The following PIK3CA variants were observed in gnomAD, a reference collection of about 807,000 sequenced individuals.
PIK3CA encodes phosphatidylinositol-4,5-bisphosphate 3-kinase catalytic subunit alpha, also known as phosphatidylinositol 4,5-bisphosphate 3-kinase catalytic subunit alpha isoform.
PIK3CA carries 27 observed loss-of-function variants against 138.2 expected under a neutral mutation model. That is an observed-to-expected ratio of 0.20 (90% CI 0.14 to 0.27). The LOEUF (loss-of-function observed/expected upper bound fraction) is 0.27. PIK3CA is among the 10% of genes least tolerant of loss of function. The probability of loss-of-function intolerance (pLI) is 1.00; values close to 1 mark genes in which losing one functional copy is unlikely to be tolerated. For missense variants in PIK3CA, 544 were observed against 1,277.4 expected, an observed-to-expected ratio of 0.43 and a Z score of 8.75; for synonymous variants, 358 against 413.2, an observed-to-expected ratio of 0.87 and a Z score of 1.62.
intron 6 of PIK3CA, among the ~76,000 whole-genome samples, chr3:179,207,975 AGGAGTTCG>A (rs1724612765): frequency 6.6e-6 from 1 of 152,312 alleles, no homozygotes; most frequent in Middle Eastern, 3.4e-3. Context: ...ACTTGAGCCC[AGGAGTTCG>A]AAGCTATAAT....
intron 1 of PIK3CA, among the ~76,000 whole-genome samples, chr3:179,162,722 A>G (rs113355245): frequency 8.5e-5 from 13 of 152,312 alleles, no homozygotes; most frequent in African/African-American, 2.6e-4. Flanking sequence ...AAATGAGCCA[A>G]TGTGAAGAAA....
At chr3:179,221,724 T>C (rs112001153) in intron 14 of PIK3CA, among the ~76,000 whole-genome samples, 12,049 of 127,924 alleles carry the variant, frequency 0.094, 803 homozygotes, top group African/African-American at 0.21. Context: ...TTTTTTTTTT[T>C]TGAGACAGGG....
rs1725340822 is a variant in PIK3CA at position 179,236,776 on chromosome 3, C to G, written c.*2412C>G. On this transcript the variant is annotated 3_prime_UTR_variant, in exon 21 of 21. Transcript: ENST00000263967. ...GAAATGTAGACAAATTCTATAAAGA[C>G]TATAGATTGTGACCTAAGAAAGAAA... 1 of 215,430 alleles carries G rather than the reference C, an allele frequency of 4.6e-6. No homozygotes were observed. The highest frequency in any genetic ancestry group is 2.3e-5 in the African/African-American group (1 of 44,340). 13.3% of individuals were successfully genotyped at this position (215,430 alleles called of 1,614,324 possible).
intron 1 of PIK3CA, among the ~76,000 whole-genome samples, chr3:179,189,575 G>C (rs772729981): frequency 6.6e-6 from 1 of 151,470 alleles, no homozygotes; most frequent in African/African-American, 2.4e-5. Context: ...CCTAAGCCTT[G>C]ATTATTTGTC....
chr3:179,231,630 CTTTTTTTTTTTTTTTT>C (rs144349648), intron 20 of PIK3CA, among the ~76,000 whole-genome samples: 8 of 50,416 alleles, frequency 1.6e-4, no homozygotes, highest in South Asian at 1.8e-3. Flanking sequence ...CCTTAGCCCA[CTTTTTTTTTTTTTTTT>C]TTTTTTTTTT....
At position 179,220,730 on chromosome 3, in the gene PIK3CA, G is replaced by A. The variant is rs1029160281; in HGVS notation, c.2016-256G>A. Reference sequence around the variant, plus strand: ...TCCTTTTTTCATGTTTTTATATCTTGTACTGAGATTAGTCAATGAAAACTA... The same window carrying A: ...TCCTTTTTTCATGTTTTTATATCTTATACTGAGATTAGTCAATGAAAACTA... On this transcript the variant is annotated intron_variant, in intron 13 of 20. Transcript: ENST00000263967. This position sits in a 1 kb window ranked among gnomAD's most constrained non-coding sequence, Gnocchi z 4.1. Among the ~76,000 whole-genome samples, 14 of 151,776 alleles carry A rather than the reference G, an allele frequency of 9.2e-5. No individual in the cohort carries two copies. The highest frequency in any genetic ancestry group is 1.6e-4 in the Non-Finnish European group (11 of 67,974).
At chr3:179,213,000 T>C (rs917901595) in intron 9 of PIK3CA, among the ~76,000 whole-genome samples, 4 of 152,172 alleles carry the variant, frequency 2.6e-5, no homozygotes, top group Non-Finnish European at 5.9e-5. Flanking sequence ...GTACAGGAGA[T>C]CAGTTGCCCC....
intron 1 of PIK3CA, among the ~76,000 whole-genome samples, chr3:179,191,826 C>T (rs944325181): frequency 2.6e-5 from 4 of 151,944 alleles, no homozygotes; most frequent in Non-Finnish European, 4.4e-5. Context: ...TTAGTAGAGA[C>T]GGGGTTTCAC....
chr3:179,158,852 G>A (rs1723204674), intron 1 of PIK3CA, among the ~76,000 whole-genome samples: 1 of 152,062 alleles, frequency 6.6e-6, no homozygotes, highest in South Asian at 2.1e-4. Flanking sequence ...CGGCTACCTG[G>A]TTTTAGTACT....
intron 1 of PIK3CA, among the ~76,000 whole-genome samples, chr3:179,192,823 T>C (rs1724167705): frequency 6.6e-6 from 1 of 152,264 alleles, no homozygotes; most frequent in South Asian, 2.1e-4. Flanking sequence ...CCTTAACTAA[T>C]GAAATCTAGA....
At chr3:179,174,722 A>G (rs1280262925) in intron 1 of PIK3CA, among the ~76,000 whole-genome samples, 1 of 152,330 alleles carries the variant, frequency 6.6e-6, no homozygotes, top group South Asian at 2.1e-4. Flanking sequence ...TCATCATCCT[A>G]TATTTAATCA....
intron 6 of PIK3CA, among the ~76,000 whole-genome samples, chr3:179,207,995 C>T (rs1376874723): frequency 6.6e-6 from 1 of 152,088 alleles, no homozygotes; most frequent in Non-Finnish European, 1.5e-5. Context: ...AGCTATAATG[C>T]ACTTTGGTCA....
chr3:179,204,733 A>C, intron 6 of PIK3CA, 145 bp downstream of exon 6: 1 of 488,328 alleles, frequency 2.0e-6, no homozygotes, highest in Non-Finnish European at 3.8e-6. Flanking sequence ...AAAATTAGCT[A>C]GGCACTGGCC....
chr3:179,150,368 G>A (rs1354143816), intron 1 of PIK3CA, among the ~76,000 whole-genome samples: 1 of 151,996 alleles, frequency 6.6e-6, no homozygotes, highest in Admixed American at 6.6e-5. Context: ...GCATCATGGG[G>A]GAAATAACAA....
chr3:179,189,666 A>G (rs183800494), intron 1 of PIK3CA, among the ~76,000 whole-genome samples: 2 of 152,338 alleles, frequency 1.3e-5, no homozygotes, highest in East Asian at 3.9e-4. Context: ...GTCTTATATA[A>G]TGCATTAAAT....
intron 1 of PIK3CA, among the ~76,000 whole-genome samples, chr3:179,191,742 T>C (rs538843559): frequency 7.2e-5 from 11 of 152,104 alleles, no homozygotes; most frequent in Admixed American, 1.3e-4. Context: ...GTTCAAACAA[T>C]TCTCTTGCCT....
At chr3:179,184,742 G>A (rs917215633) in intron 1 of PIK3CA, among the ~76,000 whole-genome samples, 3 of 152,082 alleles carry the variant, frequency 2.0e-5, no homozygotes, top group African/African-American at 4.8e-5. Flanking sequence ...TGTGGATACC[G>A]ACTGTTATAT....
chr3:179,178,732 C>T (rs546613399), intron 1 of PIK3CA, among the ~76,000 whole-genome samples: 2 of 152,282 alleles, frequency 1.3e-5, no homozygotes, highest in African/African-American at 2.4e-5. Flanking sequence ...ACACAAAGCA[C>T]AGTCAGCAAA....
At chr3:179,184,714 T>G (rs573814429) in intron 1 of PIK3CA, among the ~76,000 whole-genome samples, 1 of 152,282 alleles carries the variant, frequency 6.6e-6, no homozygotes, top group East Asian at 1.9e-4. Flanking sequence ...GGCATTTTGG[T>G]GGGGATTTTT....
Sources: gnomAD v4.1 joint callset for allele counts (sites outside exome capture counted in the v4.1 genomes callset) on GRCh38, gnomAD v4.1.1 for gene constraint, Gnocchi (gnomAD v3.1) non-coding constraint, MANE v1.5 for transcripts, NCBI Gene and HGNC (gene_info 2026-07-23, HGNC 2026-07-21) for gene names.